The following RCAN2 variants were observed in gnomAD, a reference collection of about 807,000 sequenced individuals.
RCAN2 encodes the protein regulator of calcineurin 2.
RCAN2 carries 9 observed loss-of-function variants against 23.6 expected under a neutral mutation model. That is an observed-to-expected ratio of 0.38 (90% CI 0.23 to 0.67). The LOEUF is 0.67. RCAN2 is among the 30% of genes least tolerant of loss of function. RCAN2 has a pLI of 0.51. For synonymous variants in RCAN2, 109 were observed against 115.7 expected (o/e 0.94, Z 0.37); for missense variants, 273 against 302.3 (o/e 0.90, Z 0.72).
chr6:46,227,256 G>A (rs565841504), intron 4 of RCAN2, among the ~76,000 whole-genome samples: 24 of 152,114 alleles, frequency 1.6e-4, no homozygotes, highest in South Asian at 4.2e-4. Context: ...CTCTTTTTTC[G>A]TTGTGTCTCT....
At chr6:46,344,442 CCTT>C (rs1764422575) in intron 2 of RCAN2, among the ~76,000 whole-genome samples, 1 of 151,492 alleles carries the variant, frequency 6.6e-6, no homozygotes, top group Admixed American at 6.6e-5. Context: ...ATAGACAAGA[CCTT>C]CTTATTATAT....
intron 4 of RCAN2, among the ~76,000 whole-genome samples, chr6:46,225,825 A>G (rs1415866694): frequency 6.6e-6 from 1 of 152,124 alleles, no homozygotes; most frequent in Non-Finnish European, 1.5e-5. Flanking sequence ...TTTTGTTGCC[A>G]TTGCTTCTGG....
rs536840404 is a variant in RCAN2 at position 46,385,067 on chromosome 6, G to A, written c.225+71685C>T. Among the ~76,000 whole-genome samples, 219 of 152,260 alleles carry A rather than the reference G, an allele frequency of 1.4e-3. 3 individuals are homozygous for A. In the South Asian group the frequency reaches 0.021, roughly 15 times the overall value. ...TCATTATACTTACTCTGTTTACTTT[G>A]CATATGTTTGAAATTTTCCAAACTA... On this transcript the variant is annotated intron_variant, in intron 2 of 4. Transcript: ENST00000371374.
At chr6:46,420,203 G>A (rs1766839424) in intron 2 of RCAN2, among the ~76,000 whole-genome samples, 1 of 151,422 alleles carries the variant, frequency 6.6e-6, no homozygotes, top group Admixed American at 6.6e-5. Context: ...AAAGACTAGA[G>A]CATTTAAACA....
At chr6:46,417,788 C>T (rs1243855350) in intron 2 of RCAN2, among the ~76,000 whole-genome samples, 2 of 152,184 alleles carry the variant, frequency 1.3e-5, no homozygotes, top group African/African-American at 4.8e-5. Context: ...AGGTCTAATG[C>T]TACTACAATA....
intron 2 of RCAN2, among the ~76,000 whole-genome samples, chr6:46,324,501 C>A (rs895186719): frequency 6.6e-6 from 1 of 152,186 alleles, no homozygotes; most frequent in Admixed American, 6.5e-5. Flanking sequence ...ATGTAATTCA[C>A]CTTTTATTCC....
intron 2 of RCAN2, among the ~76,000 whole-genome samples, chr6:46,258,054 C>T (rs1298613087): frequency 6.6e-6 from 1 of 152,208 alleles, no homozygotes; most frequent in Non-Finnish European, 1.5e-5. Context: ...ATTATGATCC[C>T]TTTGGGCATA....
intron 1 of RCAN2, among the ~76,000 whole-genome samples, chr6:46,470,604 G>C (rs1768531785): frequency 6.6e-6 from 1 of 152,110 alleles, no homozygotes; most frequent in African/African-American, 2.4e-5. Context: ...AATAAATCAA[G>C]CCAGTTTTCT....
At chr6:46,332,816 A>G (rs1764023775) in intron 2 of RCAN2, among the ~76,000 whole-genome samples, 1 of 152,312 alleles carries the variant, frequency 6.6e-6, no homozygotes, top group Non-Finnish European at 1.5e-5. Flanking sequence ...TCCTTTGGGT[A>G]TATACCCAGT....
intron 2 of RCAN2, among the ~76,000 whole-genome samples, chr6:46,338,463 G>T (rs1764208542): frequency 6.6e-6 from 1 of 152,150 alleles, no homozygotes; most frequent in Non-Finnish European, 1.5e-5. Flanking sequence ...CCTGGCTAGG[G>T]TAATCTTAAT....
chr6:46,352,510 G>A (rs1764692670), intron 2 of RCAN2, among the ~76,000 whole-genome samples: 1 of 152,148 alleles, frequency 6.6e-6, no homozygotes, highest in Non-Finnish European at 1.5e-5. Flanking sequence ...CTTGGCTGAT[G>A]TACACGAGGT....
intron 2 of RCAN2, among the ~76,000 whole-genome samples, chr6:46,451,034 G>A (rs1039108769): frequency 6.6e-6 from 1 of 151,980 alleles, no homozygotes; most frequent in African/African-American, 2.4e-5. Context: ...TACAATAAAT[G>A]TATACATAAT....
intron 2 of RCAN2, among the ~76,000 whole-genome samples, chr6:46,425,824 C>A (rs1767015198): frequency 6.6e-6 from 1 of 151,610 alleles, no homozygotes; most frequent in Non-Finnish European, 1.5e-5. Context: ...TTAAATATTT[C>A]TCAGTGGTTC....
At chr6:46,457,099 G>A in intron 1 of RCAN2, 121 bp from the exon 2 acceptor site, 1 of 654,112 alleles carries the variant, frequency 1.5e-6, no homozygotes, top group East Asian at 2.7e-5. Context: ...GCAGAGGCAG[G>A]GGATATTGGA....
At position 46,248,867 on chromosome 6, in the gene RCAN2, A is replaced by G; in HGVS notation, c.255T>C (p.Tyr85=). 6.2e-7 allele frequency: 1 copy of G among 1,611,064 alleles called. No individual in the cohort carries two copies. Among genetic ancestry groups the G allele is most frequent in the Non-Finnish European group, 8.5e-7 (1 of 1,179,206 alleles). ...ATAGCTGGAACGTCACACAGTCATC[A>G]TAAGTCCGAAACAGTCCCTCAAATT... The part of the protein sequence containing the change: ...KEKFEGLFRT[Y]DDCVTFQLFK... The change falls in exon 3 of 5, where the codon TAT becomes TAC. Residue 85 remains tyrosine (Y), a synonymous_variant. Transcript: ENST00000371374.
intron 4 of RCAN2, among the ~76,000 whole-genome samples, chr6:46,232,863 T>A (rs1765949458): frequency 6.6e-6 from 1 of 151,088 alleles, no homozygotes; most frequent in South Asian, 2.1e-4. Flanking sequence ...TAGTAGAATC[T>A]ACATGTGTAC....
intron 2 of RCAN2, among the ~76,000 whole-genome samples, chr6:46,298,662 G>A (rs185775719): frequency 2.1e-3 from 324 of 152,170 alleles, no homozygotes; most frequent in African/African-American, 7.4e-3. Flanking sequence ...CTGTTAGTGG[G>A]AATGTAATTA....
chr6:46,359,759 T>C (rs1764945919), intron 2 of RCAN2, among the ~76,000 whole-genome samples: 1 of 152,330 alleles, frequency 6.6e-6, no homozygotes, highest in Non-Finnish European at 1.5e-5. Flanking sequence ...TAACATGTAT[T>C]AAGCATCAGC....
chr6:46,259,334 T>TA (rs1767033314), intron 2 of RCAN2, among the ~76,000 whole-genome samples: 1 of 152,314 alleles, frequency 6.6e-6, no homozygotes, highest in South Asian at 2.1e-4. Context: ...AGGGCTCTAT[T>TA]AAGTCTTGGT....
Sources: allele counts gnomAD v4.1 joint callset (sites outside exome capture counted in the v4.1 genomes callset), GRCh38; gene constraint gnomAD v4.1.1; transcripts MANE v1.5; gene names NCBI Gene and HGNC (gene_info 2026-07-23, HGNC 2026-07-21).